NDC1: variants seen among roughly 807,000 people sequenced by gnomAD.
NDC1 encodes the protein NDC1 transmembrane nucleoporin, also known as nucleoporin NDC1.
A neutral mutation model predicts 89.8 loss-of-function variants in NDC1; 24 were observed. The observed-to-expected ratio is 0.27, with a 90% confidence interval of 0.19 to 0.38. The LOEUF (loss-of-function observed/expected upper bound fraction) is 0.38, where lower values mean the gene tolerates loss of function less well. Among genes scored for constraint, NDC1 ranks in the 10% least tolerant of loss-of-function variants. The pLI, the probability that NDC1 is intolerant of heterozygous loss-of-function variation, is 1.00. For synonymous variants in NDC1, 296 were observed against 284.8 expected (o/e 1.04, Z -0.39); for missense variants, 728 against 797.6 (o/e 0.91, Z 1.05).
At position 53,807,799 on chromosome 1, in the gene NDC1, T is replaced by A; in HGVS notation, c.756-8A>T. On this transcript the variant is annotated splice_region_variant and splice_polypyrimidine_tract_variant and intron_variant, in intron 7 of 17. Coordinates refer to ENST00000371429, the MANE Select transcript of NDC1 (RefSeq NM_018087.5). ...AGTGGCCTATGAACCTGCCTGTGAATGCAGAAATTACTATTAATCCTCTAG... is the reference window on the plus strand; with the variant it reads ...AGTGGCCTATGAACCTGCCTGTGAAAGCAGAAATTACTATTAATCCTCTAG... The A allele has an allele frequency of 6.3e-7, 1 of 1,590,218 alleles. No homozygotes were observed. The highest frequency in any genetic ancestry group is 1.2e-5 in the South Asian group (1 of 86,100).
chr1:53,813,752 T>G (rs1014187673), intron 6 of NDC1, among the ~76,000 whole-genome samples: 1 of 151,740 alleles, frequency 6.6e-6, no homozygotes, highest in Non-Finnish European at 1.5e-5. Context: ...AACAATGGAT[T>G]TAAACTATAC....
chr1:53,784,189 G>A (rs959267045), intron 16 of NDC1, among the ~76,000 whole-genome samples: 5 of 151,768 alleles, frequency 3.3e-5, no homozygotes. Flanking sequence ...AGTAAAAGGT[G>A]AGTACTGTTC....
chr1:53,815,264 G>A (rs1160218484), intron 6 of NDC1, among the ~76,000 whole-genome samples: 1 of 152,164 alleles, frequency 6.6e-6, no homozygotes, highest in African/African-American at 2.4e-5. Context: ...ATGATAAAGT[G>A]GGTCTCATGC....
In NDC1 at chr1:53,787,101, G is replaced by T. The variant is rs1647328645; in HGVS notation, c.1800+57C>A. On this transcript the variant is annotated intron_variant, in intron 16 of 17. Transcript: ENST00000371429. ...ATGTGATATATAGGAAACAAACAAAGCACTGGGTGGGAGGGGAAGATGACC... is the reference window on the plus strand; with the variant it reads ...ATGTGATATATAGGAAACAAACAAATCACTGGGTGGGAGGGGAAGATGACC... 10 of 830,872 alleles carry T rather than the reference G, an allele frequency of 1.2e-5. No homozygotes were observed. The South Asian group carries it at 1.4e-4, about 12-fold the overall frequency. 51.5% of individuals were successfully genotyped at this position (830,872 alleles called of 1,614,324 possible). A position where few individuals can be genotyped will look rare whatever the true frequency, so the allele number is the denominator to read the frequency against.
rs552286201 is a variant in NDC1 at position 53,826,670 on chromosome 1, T to A, written c.456-734A>T. ...ACAAGCTCTCAAACTCCTTTGAGAG[T>A]TTCTTGAGAATCTCTATGATCTATG... On this transcript the variant is annotated intron_variant, in intron 4 of 17. Coordinates refer to ENST00000371429, the MANE Select transcript of NDC1 (RefSeq NM_018087.5). Among the ~76,000 whole-genome samples, 408 of 152,190 alleles carry A rather than the reference T, an allele frequency of 2.7e-3. 3 individuals carry two copies. The highest frequency in any genetic ancestry group is 9.2e-3 in the African/African-American group (380 of 41,524).
intron 3 of NDC1, among the ~76,000 whole-genome samples, chr1:53,832,207 C>T (rs1284777015): frequency 2.6e-5 from 4 of 152,096 alleles, no homozygotes; most frequent in Non-Finnish European, 5.9e-5. Flanking sequence ...CCTCCCCCAG[C>T]GCCTGGTAAC....
intron 9 of NDC1, among the ~76,000 whole-genome samples, chr1:53,804,667 G>C (rs1648043932): frequency 6.6e-6 from 1 of 152,062 alleles, no homozygotes; most frequent in African/African-American, 2.4e-5. Flanking sequence ...AGTAGAGATG[G>C]GGTTTCACCA....
At chr1:53,768,547 A>C (rs890371145) in intron 17 of NDC1, among the ~76,000 whole-genome samples, 5 of 152,224 alleles carry the variant, frequency 3.3e-5, no homozygotes, top group African/African-American at 9.6e-5. Flanking sequence ...GGATGTGAAC[A>C]CTGTGTTCTC....
At chr1:53,801,173 CA>C (rs1173396501) in intron 10 of NDC1, among the ~76,000 whole-genome samples, 3 of 151,362 alleles carry the variant, frequency 2.0e-5, no homozygotes, top group Non-Finnish European at 2.9e-5. Context: ...CGAGAAAGAC[CA>C]GGGTTACTTC....
At chr1:53,788,386 A>G (rs1316624671) in intron 15 of NDC1, among the ~76,000 whole-genome samples, 5 of 151,904 alleles carry the variant, frequency 3.3e-5, no homozygotes, top group African/African-American at 1.2e-4. Context: ...ACTTGAGCCC[A>G]GGAGTTTGAG....
chr1:53,796,391 T>C (rs528453196), intron 13 of NDC1, among the ~76,000 whole-genome samples: 3 of 152,314 alleles, frequency 2.0e-5, no homozygotes, highest in African/African-American at 7.2e-5. Flanking sequence ...CACTCGAATG[T>C]AAATATTACA....
At chr1:53,788,432 A>ATTTT (rs549869100) in intron 15 of NDC1, among the ~76,000 whole-genome samples, 1 of 148,506 alleles carries the variant, frequency 6.7e-6, no homozygotes, top group African/African-American at 2.5e-5. Flanking sequence ...CAAAAAAAAA[A>ATTTT]TTTTTTTTTT....
chr1:53,781,048 G>C (rs1417400638), intron 16 of NDC1, among the ~76,000 whole-genome samples: 1 of 151,800 alleles, frequency 6.6e-6, no homozygotes, highest in African/African-American at 2.4e-5. Context: ...TATAGACACT[G>C]TCTCACTATG....
chr1:53,798,587 C>T (rs1256276574), intron 11 of NDC1, among the ~76,000 whole-genome samples: 3 of 149,006 alleles, frequency 2.0e-5, no homozygotes, highest in Non-Finnish European at 3.0e-5. Flanking sequence ...AGGAGTCTCA[C>T]TCTGTCACCC....
chr1:53,769,794 C>G (rs1647097222), intron 17 of NDC1, among the ~76,000 whole-genome samples: 1 of 152,136 alleles, frequency 6.6e-6, no homozygotes, highest in Admixed American at 6.6e-5. Flanking sequence ...TGAGAATGTT[C>G]CCTTTCATGG....
chr1:53,819,252 A>C (rs1648578968), intron 5 of NDC1, among the ~76,000 whole-genome samples, 173 bp from the exon 6 acceptor site: 1 of 152,234 alleles, frequency 6.6e-6, no homozygotes, highest in Admixed American at 6.5e-5. Context: ...ATGTTAAAAA[A>C]TTAATATTTA....
intron 16 of NDC1, among the ~76,000 whole-genome samples, chr1:53,783,450 C>G (rs930981830): frequency 6.6e-6 from 1 of 152,122 alleles, no homozygotes; most frequent in African/African-American, 2.4e-5. Flanking sequence ...TGGTCCTGTT[C>G]TCTTTGTTCC....
At chr1:53,794,143 T>C (rs184927819) in intron 13 of NDC1, among the ~76,000 whole-genome samples, 139 of 152,172 alleles carry the variant, frequency 9.1e-4, no homozygotes, top group Non-Finnish European at 1.6e-3. Context: ...ACCCAGCTAA[T>C]TTTTGTATTT....
chr1:53,797,037 C>A lies in NDC1; in HGVS notation c.1330G>T (p.Val444Leu). The stretch of plus-strand genomic sequence containing the variant: ...CCAAATGGGGTCCCAAATGGGCTCA[C>A]AACATCAGGTGTAGATAATTTTGAA... ...FSSKLSTPDVVSPFGTPFGSS... is the reference protein window; with the variant it reads ...FSSKLSTPDVLSPFGTPFGSS... Residue 444 changes from valine to leucine, a missense_variant, in exon 12 of 18, where the codon GTG becomes TTG. Transcript: ENST00000371429. The A allele has an allele frequency of 6.2e-7, 1 of 1,614,134 alleles. No homozygotes were observed. The highest frequency in any genetic ancestry group is 8.5e-7 in the Non-Finnish European group (1 of 1,180,038).
Sources: allele counts gnomAD v4.1 joint callset (sites outside exome capture counted in the v4.1 genomes callset), GRCh38; gene constraint gnomAD v4.1.1; transcripts MANE v1.5; gene names NCBI Gene and HGNC (gene_info 2026-07-23, HGNC 2026-07-21).